KLF8: variants seen among roughly 807,000 people sequenced by gnomAD.
KLF8 encodes Krueppel-like factor 8.
Under a neutral mutation model 18.2 loss-of-function variants are expected in KLF8, and 10 were observed. The observed-to-expected ratio is 0.55, with a 90% CI of 0.34 to 0.93. KLF8 has a LOEUF of 0.93. KLF8 is among the 40% of genes least tolerant of loss of function. KLF8 has a pLI of 0.02. For missense variants in KLF8, 264 were observed against 277.9 expected (o/e 0.95, Z 0.36); for synonymous variants, 109 against 97.3 (o/e 1.12, Z -0.71).
the KLF8 span, among the ~76,000 whole-genome samples, chrX:56,098,208 C>T: frequency 8.9e-6 from 1 of 111,928 alleles, no homozygotes; most frequent in African/African-American, 3.2e-5. Context: ...TGGAAGTAAC[C>T]TGTGGCCATT....
the KLF8 span, among the ~76,000 whole-genome samples, chrX:56,184,453 C>A: frequency 8.9e-6 from 1 of 112,596 alleles, no homozygotes; most frequent in Non-Finnish European, 1.9e-5. Context: ...AAGGCACAGA[C>A]AAACAAAAAG....
the KLF8 span, among the ~76,000 whole-genome samples, chrX:56,040,800 CTTTTTTTTTTTTTTTTTT>C: frequency 3.3e-4 from 2 of 6,038 alleles, no homozygotes; most frequent in Non-Finnish European, 9.3e-4. Flanking sequence ...ATGATACCAG[CTTTTTTTTTTTTTTTTTT>C]TTTTTTTTTT....
the KLF8 span, among the ~76,000 whole-genome samples, chrX:56,171,975 T>A: frequency 8.9e-6 from 1 of 111,743 alleles, no homozygotes; most frequent in African/African-American, 3.3e-5. Flanking sequence ...TTGAACTAGT[T>A]TACAGTCCCA....
chrX:56,163,461 AT>A, the KLF8 span, among the ~76,000 whole-genome samples: 1 of 111,335 alleles, frequency 9.0e-6, no homozygotes, highest in African/African-American at 3.3e-5. Context: ...TCTCTTGCAC[AT>A]TTTTTGCATT....
At chrX:56,080,596 T>C in the KLF8 span, among the ~76,000 whole-genome samples, 1 of 111,432 alleles carries the variant, frequency 9.0e-6, no homozygotes, top group East Asian at 2.8e-4. Context: ...TTCCTTCATT[T>C]CAACTTCGGT....
the KLF8 span, among the ~76,000 whole-genome samples, chrX:56,146,377 C>A: frequency 8.9e-6 from 1 of 111,850 alleles, no homozygotes; most frequent in Non-Finnish European, 1.9e-5. Flanking sequence ...GAATACTATG[C>A]AGCCATAAAA....
At chrX:55,986,620 C>A in the KLF8 span, among the ~76,000 whole-genome samples, 3 of 112,034 alleles carry the variant, frequency 2.7e-5, no homozygotes, top group Non-Finnish European at 5.6e-5. Context: ...TCCAATTGAC[C>A]ATCTTGACCT....
the KLF8 span, among the ~76,000 whole-genome samples, chrX:55,940,069 A>G: frequency 1.8e-5 from 2 of 111,692 alleles, no homozygotes; most frequent in Admixed American, 9.5e-5. Flanking sequence ...CAGAGACACA[A>G]CAAAAAAAAC....
At chrX:56,063,749 G>A in the KLF8 span, among the ~76,000 whole-genome samples, 1 of 111,176 alleles carries the variant, frequency 9.0e-6, no homozygotes, top group African/African-American at 3.3e-5. Flanking sequence ...CTGAATCTGT[G>A]TTCACAGCCA....
the KLF8 span, among the ~76,000 whole-genome samples, chrX:56,161,066 C>A: frequency 9.0e-6 from 1 of 111,375 alleles, no homozygotes; most frequent in African/African-American, 3.3e-5. Flanking sequence ...CCTTCAGGAG[C>A]TCTTTTAGGG....
chrX:56,084,641 C>T, the KLF8 span, among the ~76,000 whole-genome samples: 1 of 111,829 alleles, frequency 8.9e-6, no homozygotes, highest in East Asian at 2.8e-4. Flanking sequence ...AATCCATCTC[C>T]TCGTAAAGCT....
intron 2 of KLF8, among the ~76,000 whole-genome samples, chrX:56,255,635 G>A (rs1456260080): frequency 1.8e-5 from 2 of 112,193 alleles, no homozygotes; most frequent in African/African-American, 6.5e-5. Flanking sequence ...TGCTTTTTCA[G>A]CATCAATTGA....
the KLF8 span, among the ~76,000 whole-genome samples, chrX:56,198,313 T>C: frequency 8.9e-6 from 1 of 112,105 alleles, no homozygotes; most frequent in Non-Finnish European, 1.9e-5. Context: ...TGTTTGCTGA[T>C]GACTTGATGG....
the KLF8 span, among the ~76,000 whole-genome samples, chrX:56,000,304 G>T: frequency 9.1e-6 from 1 of 109,699 alleles, no homozygotes; most frequent in Non-Finnish European, 1.9e-5. Flanking sequence ...TGTAGTTTTT[G>T]TGTGTGTGTG....
the KLF8 span, among the ~76,000 whole-genome samples, chrX:56,054,863 A>C: frequency 9.0e-6 from 1 of 111,339 alleles, no homozygotes; most frequent in African/African-American, 3.3e-5. Flanking sequence ...TTTTGATGTT[A>C]TTGGTTTAAA....
chrX:55,915,923 TC>T, the KLF8 span, among the ~76,000 whole-genome samples: 1 of 111,912 alleles, frequency 8.9e-6, no homozygotes, highest in African/African-American at 3.2e-5. Context: ...TATATATGCT[TC>T]CCTTGGCATA....
intron 2 of KLF8, among the ~76,000 whole-genome samples, chrX:56,262,397 A>G (rs1569184346): frequency 8.9e-6 from 1 of 111,761 alleles, no homozygotes; most frequent in Non-Finnish European, 1.9e-5. Flanking sequence ...AGCTAAACAC[A>G]AGGCCTTGAG....
At chrX:55,939,135 C>T in the KLF8 span, among the ~76,000 whole-genome samples, 1 of 111,761 alleles carries the variant, frequency 8.9e-6, no homozygotes, top group African/African-American at 3.3e-5. Context: ...GTAAAGCTCT[C>T]CTCAGCAAAT....
chrX:55,967,240 G>T, the KLF8 span, among the ~76,000 whole-genome samples: 12 of 111,707 alleles, frequency 1.1e-4, no homozygotes, highest in Admixed American at 1.9e-4. Flanking sequence ...CCTAAGGAAA[G>T]ATATTAATAT....
Sources: allele counts gnomAD v4.1 joint callset (sites outside exome capture counted in the v4.1 genomes callset), GRCh38; gene constraint gnomAD v4.1.1; transcripts MANE v1.5; gene names NCBI Gene and HGNC (gene_info 2026-07-23, HGNC 2026-07-21).